SHC2: variants seen among roughly 807,000 people sequenced by gnomAD.
The protein encoded by SHC2 is SHC adaptor protein 2.
SHC2 carries 62 observed loss-of-function variants against 60.6 expected under a neutral mutation model. The ratio of observed to expected loss-of-function variants is 1.02; its 90% CI spans 0.83 to 1.26. The LOEUF (loss-of-function observed/expected upper bound fraction) is 1.26, where lower values mean the gene tolerates loss of function less well. Among genes scored for constraint, SHC2 ranks in the 50% most tolerant of loss-of-function variants. The pLI, the probability that SHC2 is intolerant of heterozygous loss-of-function variation, is 0.00. For missense variants in SHC2, 873 were observed against 822.2 expected (o/e 1.06, Z -0.76); for synonymous variants, 375 against 372.4 (o/e 1.01, Z -0.08).
At chr19:459,648 T>C (rs554471258) in intron 1 of SHC2, among the ~76,000 whole-genome samples, 3 of 151,910 alleles carry the variant, frequency 2.0e-5, no homozygotes, top group Admixed American at 1.3e-4. Context: ...CTCAACTCAG[T>C]GTAGAGGGAA....
At chr19:435,875 G>A (rs537837038) in intron 7 of SHC2, 192 of 364,568 alleles carry the variant, frequency 5.3e-4, no homozygotes, top group African/African-American at 3.5e-3. Context: ...AGCCGGCCGC[G>A]CGTCTGGAGG....
chr19:437,188 A>G (rs752869469), intron 4 of SHC2, among the ~76,000 whole-genome samples: 1 of 151,768 alleles, frequency 6.6e-6, no homozygotes, highest in Non-Finnish European at 1.5e-5. Context: ...GCTCGTTTGC[A>G]TGCTCATCTA....
chr19:422,296 G>C lies in SHC2; in HGVS notation c.1470C>G (p.Gly490=). The stretch of plus-strand genomic sequence containing the variant: ...TCTCTGCCGCCCGGCGGCTCATCCG[G>C]CCGTGGTACCAGGGCTCCTGACGCA... ...EQLRQEPWYH[G]RMSRRAAERM... The change falls in exon 11 of 13, where the codon GGC becomes GGG. Residue 490 remains glycine, a synonymous_variant. Transcript: ENST00000264554. The surrounding 1 kb of genome is among the most constrained non-coding windows in gnomAD (Gnocchi z 5.0). The C allele has an allele frequency of 1.2e-6, 2 of 1,612,192 alleles. No homozygotes were observed. Among genetic ancestry groups the C allele is most frequent in the Non-Finnish European group, 1.7e-6 (2 of 1,179,610 alleles).
Position 417,281 on chromosome 19 carries a change from C to T in SHC2, c.*47G>A, listed in dbSNP as rs3893730. On this transcript the variant is annotated 3_prime_UTR_variant, in exon 13 of 13. Transcript: ENST00000264554. ...CCCCAAGGCCATGACAGGCAGGAGC[C>T]GGGGCTGAGAACAGGCAGGAGCCAG... 0.54 allele frequency: 82,849 copies of T among 153,198 alleles called. 26,962 individuals are homozygous for T. The highest frequency in any genetic ancestry group is 0.71 in the Non-Finnish European group (49,100 of 68,776). 9.5% of individuals were successfully genotyped at this position (153,198 alleles called of 1,614,324 possible). A position where few individuals can be genotyped will look rare whatever the true frequency, so the allele number is the denominator to read the frequency against.
rs966822402 is a variant in SHC2, at chr19:441,517, G to T, written c.469-585C>A. Among the ~76,000 whole-genome samples the T allele has an allele frequency of 3.0e-4, 46 of 152,246 alleles. No individual in the cohort carries two copies. The highest frequency in any genetic ancestry group is 1.1e-3 in the African/African-American group (44 of 41,558). ...CGAGTCCCTGACCTGCTTCAGTGCCGTAAAGGGTGGGGGAACAGGGCCAGG... is the reference window on the plus strand; with the variant it reads ...CGAGTCCCTGACCTGCTTCAGTGCCTTAAAGGGTGGGGGAACAGGGCCAGG... On this transcript the variant is annotated intron_variant, in intron 1 of 12. Transcript: ENST00000264554. The surrounding 1 kb of genome is among the most constrained non-coding windows in gnomAD (Gnocchi z 4.9).
chr19:442,512 T>G (rs1267516531), intron 1 of SHC2, among the ~76,000 whole-genome samples: 1 of 80,854 alleles, frequency 1.2e-5, no homozygotes, highest in African/African-American at 5.5e-5. Context: ...GACGGATGGA[T>G]GGATGGATGG....
chr19:452,088 C>T (rs538153686), intron 1 of SHC2, among the ~76,000 whole-genome samples: 1 of 152,358 alleles, frequency 6.6e-6, no homozygotes, highest in South Asian at 2.1e-4. Context: ...TGCACATTTA[C>T]AGGCTGAAAC....
chr19:436,698 G>T lies in SHC2; in HGVS notation c.721-15C>A. ...TTGGCGATGACCTGTGGCGGCAGGA[G>T]GCACACGCGGTCATGGGGGCCCCGC... On this transcript the variant is annotated splice_polypyrimidine_tract_variant and intron_variant, in intron 4 of 12. Coordinates refer to ENST00000264554, the MANE Select transcript of SHC2 (RefSeq NM_012435.3). The T allele has an allele frequency of 6.2e-7, 1 of 1,600,474 alleles. No individual in the cohort carries two copies. Among genetic ancestry groups the T allele is most frequent in the Admixed American group, 1.7e-5 (1 of 59,490 alleles).
chr19:421,243 A>G (rs1600270388), intron 11 of SHC2, among the ~76,000 whole-genome samples: 1 of 149,724 alleles, frequency 6.7e-6, no homozygotes, highest in African/African-American at 2.5e-5. Context: ...CTAAAAAAAT[A>G]TGAAAAATTA....
chr19:425,543 C>T lies in SHC2; in HGVS notation c.1175-312G>A, dbSNP rs1974395166. 6.6e-6 allele frequency among the ~76,000 whole-genome samples: 1 copy of T among 152,204 alleles called. No homozygotes were observed. Among genetic ancestry groups the T allele is most frequent in the South Asian group, 2.1e-4 (1 of 4,830 alleles). ...CTGCTCCACCCCACCCCGCCCTGGCCCTCCCCGGCCCAGGGTCCAGAGCTT... is the reference window on the plus strand; with the variant it reads ...CTGCTCCACCCCACCCCGCCCTGGCTCTCCCCGGCCCAGGGTCCAGAGCTT... On this transcript the variant is annotated intron_variant, in intron 9 of 12. Coordinates refer to ENST00000264554, the MANE Select transcript of SHC2 (RefSeq NM_012435.3). This position sits in a 1 kb window ranked among gnomAD's most constrained non-coding sequence, Gnocchi z 4.1.
rs1975256789 is a variant in SHC2, at chr19:453,669, G to A, written c.468+6860C>T. Among the ~76,000 whole-genome samples, 1 of 152,144 alleles carries A rather than the reference G, an allele frequency of 6.6e-6. No homozygotes were observed. Among genetic ancestry groups the A allele is most frequent in the African/African-American group, 2.4e-5 (1 of 41,420 alleles). On this transcript the variant is annotated intron_variant, in intron 1 of 12. Coordinates refer to ENST00000264554, the MANE Select transcript of SHC2 (RefSeq NM_012435.3). The surrounding 1 kb of genome is among the most constrained non-coding windows in gnomAD (Gnocchi z 6.3). ...TCGCCTTCAAGGAAAAGCTGCATTT[G>A]GAGCTGAACCATCTCCAGCACCCTC... is the stretch of plus-strand genomic sequence containing the variant.
rs774659212 is a variant in SHC2, at chr19:440,899, G to T, written c.502C>A (p.Arg168Ser). Residue 168 changes from arginine to serine, a missense_variant, in exon 2 of 13, where the codon CGC becomes AGC. Physicochemically the swap from Arg to Ser is moderately radical, Grantham distance 110. Transcript: ENST00000264554. The surrounding 1 kb of genome is among the most constrained non-coding windows in gnomAD (Gnocchi z 7.0). ...GTGCGCGTGTTAAAGTCCAGGGAGC[G>T]CATAGAGCGGAGAACCTCGATGCAG... ...MGCIEVLRSMRSLDFNTRTQV... is the reference protein window; with the variant it reads ...MGCIEVLRSMSSLDFNTRTQV... 6.2e-7 allele frequency: 1 copy of T among 1,612,794 alleles called. No homozygotes were observed. Among genetic ancestry groups the T allele is most frequent in the African/African-American group, 1.3e-5 (1 of 75,048 alleles).
At chr19:449,554 A>G (rs559154981) in intron 1 of SHC2, among the ~76,000 whole-genome samples, 4 of 152,196 alleles carry the variant, frequency 2.6e-5, no homozygotes, top group Non-Finnish European at 5.9e-5. Context: ...TCCTTAGACT[A>G]TATACCCTAG....
rs533119859 is a variant in SHC2 at position 427,285 on chromosome 19, G to A, written c.1175-2054C>T. 2.0e-5 allele frequency among the ~76,000 whole-genome samples: 3 copies of A among 152,340 alleles called. No homozygotes were observed. In the South Asian group the frequency reaches 6.2e-4, roughly 32 times the overall value. On this transcript the variant is annotated intron_variant, in intron 9 of 12. Transcript: ENST00000264554. The stretch of plus-strand genomic sequence containing the variant: ...AGCCGACTGCACAGCCGCCTCCAGG[G>A]TGGACTGGCACCGCCGGTAACGTGA...
rs572062912 is a variant in SHC2 at position 422,533 on chromosome 19, C to T, written c.1310-77G>A. Reference sequence around the variant, plus strand: ...CTGCCGGGACCAGAGCTGGGAGAAACGGGTTCCCCGGGGAGTCCCTCGTGC... The same window carrying T: ...CTGCCGGGACCAGAGCTGGGAGAAATGGGTTCCCCGGGGAGTCCCTCGTGC... On this transcript the variant is annotated intron_variant, in intron 10 of 12. Transcript: ENST00000264554. This position sits in a 1 kb window ranked among gnomAD's most constrained non-coding sequence, Gnocchi z 5.0. 40 of 1,268,820 alleles carry T rather than the reference C, an allele frequency of 3.2e-5. No individual in the cohort carries two copies. In the East Asian group the frequency reaches 4.3e-4, roughly 14 times the overall value. The allele number at this position is 1,268,820 out of a possible 1,614,324, so 78.6% of individuals were successfully genotyped here. A position where few individuals can be genotyped will look rare whatever the true frequency, so the allele number is the denominator to read the frequency against.
At chr19:418,574 G>A (rs980734189) in intron 12 of SHC2, among the ~76,000 whole-genome samples, 1 of 152,236 alleles carries the variant, frequency 6.6e-6, no homozygotes, top group Non-Finnish European at 1.5e-5. Context: ...GCCCCTGGAG[G>A]ACGTCACGCT....
intron 4 of SHC2, among the ~76,000 whole-genome samples, chr19:437,846 CCCT>C (rs139187641): frequency 0.018 from 2,698 of 152,260 alleles, 85 homozygotes; most frequent in African/African-American, 0.061. Context: ...CCTGAGATTC[CCCT>C]CCTCACCACC....
chr19:441,251 C>T lies in SHC2; in HGVS notation c.469-319G>A, dbSNP rs1005583932. 1.1e-5 allele frequency: 9 copies of T among 804,916 alleles called. No individual in the cohort carries two copies. The highest frequency in any genetic ancestry group is 1.2e-4 in the South Asian group (2 of 16,890). The allele number at this position is 804,916 out of a possible 1,614,324, so 49.9% of individuals were successfully genotyped here. ...CGGTCTCTTTCTGTTCCACCAGCAC[C>T]GAAGCCGAGGAGCGTGGGGATGGTG... is the stretch of plus-strand genomic sequence containing the variant. On this transcript the variant is annotated intron_variant, in intron 1 of 12. Coordinates refer to ENST00000264554, the MANE Select transcript of SHC2 (RefSeq NM_012435.3). The surrounding 1 kb of genome is among the most constrained non-coding windows in gnomAD (Gnocchi z 4.9).
chr19:430,260 G>A (rs1033148655), intron 9 of SHC2, among the ~76,000 whole-genome samples: 44 of 149,364 alleles, frequency 2.9e-4, no homozygotes, highest in African/African-American at 6.2e-4. Flanking sequence ...ACCTAATACC[G>A]TGTGGATGAC....
Sources: allele counts gnomAD v4.1 joint callset (sites outside exome capture counted in the v4.1 genomes callset), GRCh38; gene constraint gnomAD v4.1.1; non-coding constraint Gnocchi (gnomAD v3.1); transcripts MANE v1.5; gene names NCBI Gene and HGNC (gene_info 2026-07-23, HGNC 2026-07-21).